The following MOB4 variants were observed in gnomAD, a reference collection of about 807,000 sequenced individuals.
The protein encoded by MOB4 is MOB family member 4, phocein, also known as MOB-like protein phocein.
MOB4 carries 4 observed loss-of-function variants against 32.2 expected under a neutral mutation model. The ratio of observed to expected loss-of-function variants is 0.12; its 90% CI spans 0.06 to 0.28. The LOEUF (loss-of-function observed/expected upper bound fraction) is 0.28, where lower values mean the gene tolerates loss of function less well. MOB4 is among the 10% of genes least tolerant of loss of function. The pLI is 1.00. For missense variants in MOB4, 158 were observed against 271.2 expected, an observed-to-expected ratio of 0.58 and a Z score of 2.93; for synonymous variants, 88 against 88.1, an observed-to-expected ratio of 1.00 and a Z score of 0.01.
chr2:197,538,026 C>T (rs892831962), intron 3 of MOB4, among the ~76,000 whole-genome samples: 3 of 152,164 alleles, frequency 2.0e-5, no homozygotes, highest in Non-Finnish European at 4.4e-5. Flanking sequence ...GATCTGCCCA[C>T]CTTGGCCTCC....
At chr2:197,540,879 A>G (rs1574647998) in intron 5 of MOB4, among the ~76,000 whole-genome samples, 1 of 151,366 alleles carries the variant, frequency 6.6e-6, no homozygotes, top group Non-Finnish European at 1.5e-5. Context: ...AGGTAAGACT[A>G]TAGGCAGTAG....
chr2:197,515,969 C>G, upstream of MOB4: 7 of 1,076,530 alleles, frequency 6.5e-6, no homozygotes, highest in South Asian at 8.8e-5. Context: ...CAGGCTGCAG[C>G]TGTTCCGTCA....
intron 2 of MOB4, among the ~76,000 whole-genome samples, chr2:197,532,637 G>C (rs940797714): frequency 1.1e-4 from 17 of 152,160 alleles, no homozygotes; most frequent in African/African-American, 4.1e-4. Flanking sequence ...AGTGAGCCGA[G>C]ATAGCGCCAC....
At chr2:197,542,607 G>A (rs1407044730) in intron 5 of MOB4, among the ~76,000 whole-genome samples, 6 of 152,158 alleles carry the variant, frequency 3.9e-5, no homozygotes, top group Non-Finnish European at 7.3e-5. Flanking sequence ...TATACAAATA[G>A]TGCTTCTAGG....
At chr2:197,525,664 G>C (rs1255401900) in intron 2 of MOB4, among the ~76,000 whole-genome samples, 1 of 148,972 alleles carries the variant, frequency 6.7e-6, no homozygotes, top group African/African-American at 2.5e-5. Flanking sequence ...ATGGTGAGCT[G>C]TGATTGCACC....
intron 1 of MOB4, chr2:197,516,408 C>G (rs2086412530): frequency 1.4e-6 from 2 of 1,386,980 alleles, no homozygotes; most frequent in East Asian, 2.8e-5. Flanking sequence ...TGCCGAAGCC[C>G]TGGGCTGCGA....
intron 3 of MOB4, among the ~76,000 whole-genome samples, chr2:197,538,015 C>T (rs753765724): frequency 9.9e-5 from 15 of 152,138 alleles, no homozygotes; most frequent in South Asian, 2.1e-4. Context: ...CCTGACCTCA[C>T]GATCTGCCCA....
chr2:197,530,047 G>A (rs1354967912), intron 2 of MOB4, among the ~76,000 whole-genome samples: 1 of 150,906 alleles, frequency 6.6e-6, no homozygotes, highest in Non-Finnish European at 1.5e-5. Flanking sequence ...TCGCCTCACT[G>A]CAATCCCCAC....
chr2:197,542,855 A>G (rs1041624128), intron 5 of MOB4, among the ~76,000 whole-genome samples: 2 of 152,204 alleles, frequency 1.3e-5, no homozygotes, highest in African/African-American at 4.8e-5. Flanking sequence ...AGGCAGCTAA[A>G]AACAATGCAA....
intron 2 of MOB4, among the ~76,000 whole-genome samples, chr2:197,534,129 A>G (rs2086756529): frequency 1.3e-5 from 2 of 152,220 alleles, no homozygotes; most frequent in South Asian, 2.1e-4. Context: ...AGGCTGGTTC[A>G]GTACTAAATA....
intron 7 of MOB4, 48 bp from the exon 8 acceptor site, chr2:197,550,465 TTA>T: frequency 6.3e-7 from 1 of 1,583,422 alleles, no homozygotes; most frequent in African/African-American, 1.4e-5. Context: ...TTCTAGTCTT[TTA>T]GTTTGGGATA....
chr2:197,515,955 G>A (rs899926800), upstream of MOB4: 3 of 925,558 alleles, frequency 3.2e-6, no homozygotes, highest in African/African-American at 3.5e-5. Flanking sequence ...GACGGCTCCC[G>A]GCGCAGGCTG....
intron 1 of MOB4, 179 bp downstream of exon 1, chr2:197,516,325 G>T (rs934903909): frequency 2.5e-5 from 35 of 1,427,002 alleles, no homozygotes; most frequent in Admixed American, 3.1e-5. Context: ...GGTGGCGGCC[G>T]CCGTGAGGCC....
intron 5 of MOB4, among the ~76,000 whole-genome samples, chr2:197,545,619 G>A (rs1047070846): frequency 5.9e-5 from 9 of 152,148 alleles, no homozygotes; most frequent in Non-Finnish European, 1.3e-4. Context: ...AAGGAATGAA[G>A]TACTGATTCA....
At chr2:197,516,400 C>T in intron 1 of MOB4, 1 of 1,395,998 alleles carries the variant, frequency 7.2e-7, no homozygotes, top group Non-Finnish European at 9.3e-7. Flanking sequence ...TACCTGCCTG[C>T]CGAAGCCCTG....
chr2:197,533,977 C>A, intron 2 of MOB4: 1 of 541,064 alleles, frequency 1.8e-6, no homozygotes, highest in Non-Finnish European at 3.6e-6. Context: ...AGGAATTTTA[C>A]ATGAGATGGC....
Position 197,550,501 on chromosome 2 carries a change from C to A in MOB4, c.547-14C>A. Reference sequence around the variant, plus strand: ...TAGTGAATTAAAATAACATTTTTGTCTTCCTCTCTACAGAATGAAACATTT... The same window carrying A: ...TAGTGAATTAAAATAACATTTTTGTATTCCTCTCTACAGAATGAAACATTT... On this transcript the variant is annotated splice_polypyrimidine_tract_variant and intron_variant, in intron 7 of 7. Transcript: ENST00000323303. 6.3e-7 allele frequency: 1 copy of A among 1,581,912 alleles called. No homozygotes were observed. Among genetic ancestry groups the A allele is most frequent in the South Asian group, 1.2e-5 (1 of 85,350 alleles).
chr2:197,548,121 G>A (rs1378460689), intron 5 of MOB4, among the ~76,000 whole-genome samples: 2 of 152,114 alleles, frequency 1.3e-5, no homozygotes, highest in East Asian at 3.8e-4. Flanking sequence ...TGGGAGACTG[G>A]TTTATGTATC....
chr2:197,543,406 T>C (rs866347656), intron 5 of MOB4, among the ~76,000 whole-genome samples: 1 of 151,886 alleles, frequency 6.6e-6, no homozygotes, highest in Admixed American at 6.6e-5. Context: ...GTTATTGTTA[T>C]GCTGATTAAC....
Sources: gnomAD v4.1 joint callset for allele counts (sites outside exome capture counted in the v4.1 genomes callset) on GRCh38, gnomAD v4.1.1 for gene constraint, MANE v1.5 for transcripts, NCBI Gene and HGNC (gene_info 2026-07-23, HGNC 2026-07-21) for gene names.